PLGRKT: variants seen among roughly 807,000 people sequenced by gnomAD.
The protein encoded by PLGRKT is plasminogen receptor with a C-terminal lysine.
A neutral mutation model predicts 18.5 loss-of-function variants in PLGRKT; 22 were observed. The observed-to-expected ratio is 1.19, with a 90% CI of 0.85 to 1.70. The LOEUF (loss-of-function observed/expected upper bound fraction) is 1.70, where lower values mean the gene tolerates loss of function less well. Among genes scored for constraint, PLGRKT ranks in the 40% most tolerant of loss-of-function variants. PLGRKT has a pLI of 0.00. For missense variants in PLGRKT, 235 were observed against 174.4 expected (o/e 1.35, Z -1.96); for synonymous variants, 72 against 52.8 (o/e 1.36, Z -1.58).
At chr9:5,388,949 G>C (rs1326549980) in intron 3 of PLGRKT, among the ~76,000 whole-genome samples, 1 of 152,020 alleles carries the variant, frequency 6.6e-6, no homozygotes, top group Admixed American at 6.5e-5. Flanking sequence ...ACGTCCTCCA[G>C]CTGAAGGTAC....
Position 5,376,900 on chromosome 9 carries a change from G to A in PLGRKT, c.82-15012C>T, listed in dbSNP as rs149081362. Among the ~76,000 whole-genome samples, 764 of 152,268 alleles carry A rather than the reference G, an allele frequency of 5.0e-3. 8 individuals are homozygous for A. Among genetic ancestry groups the A allele is most frequent in the African/African-American group, 0.018 (733 of 41,554 alleles). Reference sequence around the variant, plus strand: ...GTGAACCAGGTGGCTGGGGACAGGGGTAAGAGGAAGTTTTCAATATATACC... The same window carrying A: ...GTGAACCAGGTGGCTGGGGACAGGGATAAGAGGAAGTTTTCAATATATACC... On this transcript the variant is annotated intron_variant, in intron 3 of 5. Coordinates refer to ENST00000223864, the MANE Select transcript of PLGRKT (RefSeq NM_018465.4).
At chr9:5,381,337 A>T (rs1286043757) in intron 3 of PLGRKT, among the ~76,000 whole-genome samples, 1 of 152,226 alleles carries the variant, frequency 6.6e-6, no homozygotes, top group Non-Finnish European at 1.5e-5. Context: ...CAGCCTTGGG[A>T]CATGGTGCCC....
chr9:5,358,429 G>A (rs889259043), intron 5 of PLGRKT, 69 bp from the exon 6 acceptor site: 55 of 1,421,072 alleles, frequency 3.9e-5, no homozygotes, highest in East Asian at 2.3e-4. Flanking sequence ...AAGCCTGATT[G>A]CTATATTCCT....
chr9:5,424,555 T>C (rs954292586), intron 3 of PLGRKT, among the ~76,000 whole-genome samples: 1 of 133,238 alleles, frequency 7.5e-6, no homozygotes, highest in South Asian at 2.1e-4. Context: ...AATATGTTTA[T>C]ATAATACAAT....
At chr9:5,389,228 G>A (rs1335300544) in intron 3 of PLGRKT, among the ~76,000 whole-genome samples, 1 of 151,926 alleles carries the variant, frequency 6.6e-6, no homozygotes, top group Non-Finnish European at 1.5e-5. Flanking sequence ...AAATAGTAAG[G>A]CTGCAGGAGC....
rs148558320 is a variant in PLGRKT, at chr9:5,375,431, G to A, written c.82-13543C>T. 2.0e-3 allele frequency among the ~76,000 whole-genome samples: 302 copies of A among 152,282 alleles called. 4 individuals carry two copies. Among genetic ancestry groups the A allele is most frequent in the African/African-American group, 7.1e-3 (295 of 41,562 alleles). On this transcript the variant is annotated intron_variant, in intron 3 of 5. Coordinates refer to ENST00000223864, the MANE Select transcript of PLGRKT (RefSeq NM_018465.4). ...TTTTCAGTTTGGGGGAAGACAATTAGTGTGCCCAGTATCAAATAAAACAGA... is the reference window on the plus strand; with the variant it reads ...TTTTCAGTTTGGGGGAAGACAATTAATGTGCCCAGTATCAAATAAAACAGA...
At chr9:5,419,864 T>C (rs1297172372) in intron 3 of PLGRKT, among the ~76,000 whole-genome samples, 1 of 152,156 alleles carries the variant, frequency 6.6e-6, no homozygotes, top group East Asian at 1.9e-4. Flanking sequence ...CGCAACTCCA[T>C]TACTAGGTAT....
chr9:5,402,793 T>A (rs1408020311), intron 3 of PLGRKT, among the ~76,000 whole-genome samples: 1 of 151,946 alleles, frequency 6.6e-6, no homozygotes, highest in Non-Finnish European at 1.5e-5. Context: ...TTATAAAGTG[T>A]AAAAGTAGGA....
intron 3 of PLGRKT, among the ~76,000 whole-genome samples, chr9:5,428,660 T>C (rs1818748154): frequency 6.6e-6 from 1 of 152,180 alleles, no homozygotes; most frequent in Non-Finnish European, 1.5e-5. Context: ...ACCCTTGAAG[T>C]ACCTATGTTA....
At chr9:5,369,886 A>G (rs1357665154) in intron 3 of PLGRKT, among the ~76,000 whole-genome samples, 4 of 152,170 alleles carry the variant, frequency 2.6e-5, no homozygotes, top group Non-Finnish European at 5.9e-5. Context: ...GGAGTTGAAC[A>G]ATGAGAACAA....
chr9:5,425,130 A>G (rs1041986260), intron 3 of PLGRKT, among the ~76,000 whole-genome samples: 1 of 152,228 alleles, frequency 6.6e-6, no homozygotes, highest in African/African-American at 2.4e-5. Flanking sequence ...CCTACATAGC[A>G]CTGCAGCACA....
chr9:5,401,412 C>CA (rs1195820109), intron 3 of PLGRKT, among the ~76,000 whole-genome samples: 3 of 151,848 alleles, frequency 2.0e-5, no homozygotes, highest in Non-Finnish European at 4.4e-5. Flanking sequence ...GGTAAATATA[C>CA]AATAGAACAA....
chr9:5,411,926 A>G (rs1414604680), intron 3 of PLGRKT, among the ~76,000 whole-genome samples: 2 of 152,214 alleles, frequency 1.3e-5, no homozygotes, highest in Non-Finnish European at 2.9e-5. Flanking sequence ...AAAAATATCA[A>G]CAGACTATTT....
chr9:5,397,485 T>G (rs1348145630), intron 3 of PLGRKT, among the ~76,000 whole-genome samples: 1 of 151,420 alleles, frequency 6.6e-6, no homozygotes. Context: ...CCCAATCACC[T>G]TAGATAGGTG....
rs1818965546 is a variant in PLGRKT at position 5,436,653 on chromosome 9, G to A, written c.-91C>T. The A allele has an allele frequency of 6.6e-6, 1 of 152,192 alleles. No homozygotes were observed. The highest frequency in any genetic ancestry group is 1.5e-5 in the Non-Finnish European group (1 of 68,044). 9.4% of individuals were successfully genotyped at this position (152,192 alleles called of 1,614,324 possible). On this transcript the variant is annotated 5_prime_UTR_variant, in exon 2 of 6. Transcript: ENST00000223864. ...CTCCCAGGTGGAAGGGTTAAAGGTG[G>A]AAGCCAAGCAGGAAGAAGAGCTTCC...
intron 3 of PLGRKT, among the ~76,000 whole-genome samples, chr9:5,427,488 A>C (rs980386486): frequency 6.6e-6 from 1 of 152,256 alleles, no homozygotes; most frequent in Non-Finnish European, 1.5e-5. Context: ...GAACATACAC[A>C]AAACTTTTAT....
chr9:5,378,680 G>C (rs142250669), intron 3 of PLGRKT, among the ~76,000 whole-genome samples: 1 of 152,052 alleles, frequency 6.6e-6, no homozygotes. Context: ...TAATGAAGAA[G>C]ATAGAAGAGT....
intron 2 of PLGRKT, among the ~76,000 whole-genome samples, chr9:5,433,634 G>A (rs1487712459): frequency 4.2e-5 from 6 of 141,862 alleles, no homozygotes; most frequent in East Asian, 2.2e-4. Context: ...TGTGAGGAGC[G>A]CCTTGGCCCG....
At position 5,418,798 on chromosome 9, in the gene PLGRKT, G is replaced by A. The variant is rs1330585152; in HGVS notation, c.81+13099C>T. 2.3e-6 allele frequency: 2 copies of A among 888,496 alleles called. No homozygotes were observed. Among genetic ancestry groups the A allele is most frequent in the Admixed American group, 1.9e-5 (1 of 51,572 alleles). The allele number at this position is 888,496 out of a possible 1,614,324, so 55.0% of individuals were successfully genotyped here. A position where few individuals can be genotyped will look rare whatever the true frequency, so the allele number is the denominator to read the frequency against. ...GAGCTGCGACACGGAGAAGTCAGGGGGCAGCTTGGTGACACCGCTGCACCA... is the reference window on the plus strand; with the variant it reads ...GAGCTGCGACACGGAGAAGTCAGGGAGCAGCTTGGTGACACCGCTGCACCA... On this transcript the variant is annotated intron_variant, in intron 3 of 5. Transcript: ENST00000223864. The surrounding 1 kb of genome is among the most constrained non-coding windows in gnomAD (Gnocchi z 4.2).
Sources: allele counts gnomAD v4.1 joint callset (sites outside exome capture counted in the v4.1 genomes callset), GRCh38; gene constraint gnomAD v4.1.1; non-coding constraint Gnocchi (gnomAD v3.1); transcripts MANE v1.5; gene names NCBI Gene and HGNC (gene_info 2026-07-23, HGNC 2026-07-21).